RIPOR2: variants seen among roughly 807,000 people sequenced by gnomAD.
RIPOR2 encodes RHO family interacting cell polarization regulator 2, also known as rho family-interacting cell polarization regulator 2.
In RIPOR2, 39 loss-of-function variants were observed where a neutral mutation model predicts 114.5. The ratio of observed to expected loss-of-function variants is 0.34; its 90% CI spans 0.26 to 0.44. RIPOR2 has a LOEUF of 0.44. Ranked by LOEUF, RIPOR2 falls within the 20% of genes least tolerant of loss-of-function variation. The pLI is 1.00. For synonymous variants in RIPOR2, 445 were observed against 484.4 expected (o/e 0.92, Z 1.07); for missense variants, 1,007 against 1,255.1 (o/e 0.80, Z 2.99).
chr6:24,964,862 C>A (rs566704792), intron 1 of RIPOR2, among the ~76,000 whole-genome samples: 26 of 152,240 alleles, frequency 1.7e-4, no homozygotes, highest in Non-Finnish European at 2.6e-4. Context: ...TCATCTTGGT[C>A]TTAATTTGCA....
chr6:25,008,408 G>T (rs12110508), intron 1 of RIPOR2, among the ~76,000 whole-genome samples: 7,251 of 152,286 alleles, frequency 0.048, 375 homozygotes, highest in African/African-American at 0.13. Flanking sequence ...GTCAGTCAGA[G>T]AAAGAGATGT....
Position 24,840,588 on chromosome 6 carries a change from C to T in RIPOR2, c.1858-1316G>A. The T allele has an allele frequency of 3.4e-6, 5 of 1,492,270 alleles. No individual in the cohort carries two copies. The South Asian group carries it at 3.9e-5, about 12-fold the overall frequency. The allele number at this position is 1,492,270 out of a possible 1,614,324, so 92.4% of individuals were successfully genotyped here. A position where few individuals can be genotyped will look rare whatever the true frequency, so the allele number is the denominator to read the frequency against. ...TCCTCCATCCAGTTAGGTGACACTC[C>T]TTGCTGATTTCTTAGCGCAAGGTAG... On this transcript the variant is annotated intron_variant, in intron 13 of 21. Coordinates refer to ENST00000643898, the MANE Select transcript of RIPOR2 (RefSeq NM_001286445.3).
At chr6:24,875,314 C>G (rs760823401) in intron 2 of RIPOR2, among the ~76,000 whole-genome samples, 7 of 152,242 alleles carry the variant, frequency 4.6e-5, no homozygotes, top group Non-Finnish European at 7.3e-5. Flanking sequence ...TGAATTACAT[C>G]TGCTCCCCAG....
rs367785599 is a variant in RIPOR2, at chr6:25,024,233, A to G, written c.76+17618T>C. ...AGGTGCCCAGGAGGTAGCGGTCCTCATACAGTGTGCTGGACTGGATGGCCG... is the reference window on the plus strand; with the variant it reads ...AGGTGCCCAGGAGGTAGCGGTCCTCGTACAGTGTGCTGGACTGGATGGCCG... On this transcript the variant is annotated intron_variant, in intron 1 of 13. Coordinates refer to the RIPOR2 transcript ENST00000510784. 2.0e-6 allele frequency: 3 copies of G among 1,525,956 alleles called. No homozygotes were observed. The South Asian group carries it at 3.4e-5, about 17-fold the overall frequency. 94.5% of individuals were successfully genotyped at this position (1,525,956 alleles called of 1,614,324 possible).
At chr6:24,809,835 G>A (rs1562209810) in intron 20 of RIPOR2, 28 bp from the exon 21 acceptor site, 5 of 1,425,096 alleles carry the variant, frequency 3.5e-6, no homozygotes, top group South Asian at 1.2e-5. Flanking sequence ...GTTAAATCGT[G>A]TTTTGACATT....
At chr6:25,026,753 T>C (rs1440586335) in intron 1 of RIPOR2, among the ~76,000 whole-genome samples, 4 of 152,216 alleles carry the variant, frequency 2.6e-5, no homozygotes, top group Non-Finnish European at 5.9e-5. Flanking sequence ...ATGACAACTT[T>C]AAAGGAGGTA....
rs796795444 is a variant in RIPOR2, at chr6:24,852,028, CG to C, written c.759+546del. On this transcript the variant is annotated intron_variant, in intron 9 of 21. Transcript: ENST00000643898. The stretch of plus-strand genomic sequence containing the variant: ...GCACTTTGGGAGGCCGAAGGGTGGG[CG>C]GGGGGGAATCACTTGAGGTCAGGAG... 9.8e-4 allele frequency among the ~76,000 whole-genome samples: 9 copies of C among 9,188 alleles called. 1 individual carries two copies. Among genetic ancestry groups the C allele is most frequent in the South Asian group, 3.9e-3 (1 of 258 alleles). The allele number at this position is 9,188 out of a possible 152,430, so 6.0% of individuals were successfully genotyped here. A position where few individuals can be genotyped will look rare whatever the true frequency, so the allele number is the denominator to read the frequency against.
chr6:24,940,782 C>G (rs1385691113), upstream of RIPOR2, among the ~76,000 whole-genome samples: 1 of 152,030 alleles, frequency 6.6e-6, no homozygotes, highest in Non-Finnish European at 1.5e-5. Context: ...AGTAGACTAG[C>G]TGGGACTACA....
At position 24,850,671 on chromosome 6, in the gene RIPOR2, C is replaced by G; in HGVS notation, c.811G>C (p.Val271Leu). 6.2e-7 allele frequency: 1 copy of G among 1,613,932 alleles called. No individual in the cohort carries two copies. The highest frequency in any genetic ancestry group is 8.5e-7 in the Non-Finnish European group (1 of 1,179,868). The change falls in exon 10 of 22, where the codon GTA (valine) becomes CTA (leucine). Residue 271 changes from valine (V) to leucine (L), a missense_variant. Transcript: ENST00000643898. ...QRWKLKGKIE[V>L]NGKQSWDGEE... is the part of the protein sequence containing the mutation. Reference sequence around the variant, plus strand: ...CCATCCCAGCTCTGCTTGCCATTTACTTCTATTTTGCCTTTCAGTTTCCAC... The same window carrying G: ...CCATCCCAGCTCTGCTTGCCATTTAGTTCTATTTTGCCTTTCAGTTTCCAC...
At position 24,927,174 on chromosome 6, in the gene RIPOR2, C is replaced by T. The variant is rs1200419960; in HGVS notation, c.61+8664G>A. On this transcript the variant is annotated intron_variant, in intron 1 of 21. Transcript: ENST00000643898. The stretch of plus-strand genomic sequence containing the variant: ...CCACCACCACCACAACTACAATCAC[C>T]ACCACCATGACCACCACCACAACTA... 1.7e-4 allele frequency among the ~76,000 whole-genome samples: 21 copies of T among 120,944 alleles called. 9 individuals carry two copies. Among genetic ancestry groups the T allele is most frequent in the Admixed American group, 6.5e-4 (8 of 12,324 alleles). The allele number at this position is 120,944 out of a possible 152,430, so 79.3% of individuals were successfully genotyped here.
At chr6:24,980,686 G>T (rs1371007646) in intron 1 of RIPOR2, among the ~76,000 whole-genome samples, 5 of 152,194 alleles carry the variant, frequency 3.3e-5, no homozygotes, top group African/African-American at 1.2e-4. Flanking sequence ...ATCCCCAGGT[G>T]CAAGTGGGTA....
At chr6:25,036,353 A>C (rs1282481814) in intron 1 of RIPOR2, among the ~76,000 whole-genome samples, 1 of 152,138 alleles carries the variant, frequency 6.6e-6, no homozygotes, top group Non-Finnish European at 1.5e-5. Context: ...GGCTGCCTCC[A>C]TCAAAGCTCT....
chr6:24,982,363 A>G (rs1194133476), intron 1 of RIPOR2, among the ~76,000 whole-genome samples: 3 of 152,232 alleles, frequency 2.0e-5, no homozygotes, highest in Non-Finnish European at 4.4e-5. Context: ...ATTATTCAGT[A>G]GTTTGTGTGA....
intron 8 of RIPOR2, among the ~76,000 whole-genome samples, chr6:24,854,137 AAAAG>A (rs1361248866): frequency 3.3e-5 from 5 of 151,880 alleles, no homozygotes; most frequent in Non-Finnish European, 5.9e-5. Flanking sequence ...AAAAAAAAAA[AAAAG>A]AAAGAAAACA....
chr6:24,852,069 G>T (rs1435972009), intron 9 of RIPOR2, among the ~76,000 whole-genome samples: 1 of 152,024 alleles, frequency 6.6e-6, no homozygotes, highest in South Asian at 2.1e-4. Flanking sequence ...AGACCAGCCT[G>T]GCCAACATGG....
intron 1 of RIPOR2, among the ~76,000 whole-genome samples, chr6:24,998,762 G>T (rs1318370083): frequency 6.6e-6 from 1 of 152,188 alleles, no homozygotes; most frequent in Non-Finnish European, 1.5e-5. Context: ...ATGACCCTGG[G>T]TTATTGTGGA....
rs1409221326 is a variant in RIPOR2, at chr6:24,835,782, G to A, written c.2129C>T (p.Pro710Leu). ...CTCGTTGCCTGTGGTCAGTGGGAGAGGACTTCCTGCCACACTGGTCCCAAC... is the reference window on the plus strand; with the variant it reads ...CTCGTTGCCTGTGGTCAGTGGGAGAAGACTTCCTGCCACACTGGTCCCAAC... ...TGVGTSVAGS[P>L]LPLTTGNESL... Residue 710 changes from proline to leucine, a missense_variant, in exon 15 of 22, where the codon CCT becomes CTT. Transcript: ENST00000643898. 1.3e-6 allele frequency: 2 copies of A among 1,551,634 alleles called. No homozygotes were observed. The highest frequency in any genetic ancestry group is 4.9e-5 in the East Asian group (2 of 40,924).
chr6:25,024,418 C>T, intron 1 of RIPOR2: 2 of 1,088,694 alleles, frequency 1.8e-6, no homozygotes, highest in Non-Finnish European at 2.8e-6. Context: ...TTCACCCACA[C>T]GAGGATGCAG....
intron 1 of RIPOR2, among the ~76,000 whole-genome samples, chr6:24,885,503 T>C (rs1277019508): frequency 6.6e-6 from 1 of 152,074 alleles, no homozygotes; most frequent in Non-Finnish European, 1.5e-5. Flanking sequence ...GAATTACAGG[T>C]GTGAGCCACC....
Sources: gnomAD v4.1 joint callset for allele counts (sites outside exome capture counted in the v4.1 genomes callset) on GRCh38, gnomAD v4.1.1 for gene constraint, MANE v1.5 for transcripts, NCBI Gene and HGNC (gene_info 2026-07-23, HGNC 2026-07-21) for gene names.